Variants in WWC1 observed in about 807,000 individuals in gnomAD.
WWC1 encodes WW and C2 domain containing 1.
In WWC1, 55 loss-of-function variants were observed where a neutral mutation model predicts 138.4. That is an observed-to-expected ratio of 0.40 (90% CI 0.32 to 0.50). The LOEUF (loss-of-function observed/expected upper bound fraction) is 0.50. WWC1 is among the 20% of genes least tolerant of loss of function. The pLI, the probability that WWC1 is intolerant of heterozygous loss-of-function variation, is 0.72. For missense variants in WWC1, 1,226 were observed against 1,420.4 expected (o/e 0.86, Z 2.20); for synonymous variants, 524 against 564.9 (o/e 0.93, Z 1.03).
chr5:168,412,339 A>C (rs1780291751), intron 8 of WWC1, among the ~76,000 whole-genome samples: 1 of 152,196 alleles, frequency 6.6e-6, no homozygotes, highest in South Asian at 2.1e-4. Flanking sequence ...GGTGTCTGTA[A>C]TCCAAGGAGG....
chr5:168,438,791 A>AG (rs1180059264), intron 15 of WWC1, among the ~76,000 whole-genome samples: 1 of 151,582 alleles, frequency 6.6e-6, no homozygotes, highest in Non-Finnish European at 1.5e-5. Flanking sequence ...GGAAGGCTGT[A>AG]GGGGAAAAAA....
intron 1 of WWC1, among the ~76,000 whole-genome samples, chr5:168,339,806 TTTTCTTTCTTTC>T (rs138461958): frequency 1.2e-4 from 17 of 142,618 alleles, no homozygotes; most frequent in Non-Finnish European, 2.4e-4. Flanking sequence ...TTCTTTTTGT[TTTTCTTTCTTTC>T]TTTCTTTCTT....
intron 9 of WWC1, among the ~76,000 whole-genome samples, chr5:168,417,552 C>T (rs1780755192): frequency 6.6e-6 from 1 of 152,132 alleles, no homozygotes; most frequent in Non-Finnish European, 1.5e-5. Context: ...GATTAGAAGA[C>T]CACAAGTTTG....
chr5:168,454,670 AC>A (rs576586554), intron 18 of WWC1, among the ~76,000 whole-genome samples: 124 of 152,318 alleles, frequency 8.1e-4, no homozygotes, highest in African/African-American at 2.9e-3. Flanking sequence ...CAGCTGGAGT[AC>A]CGCACAGAGG....
chr5:168,344,678 C>T (rs975520375), intron 1 of WWC1, among the ~76,000 whole-genome samples: 1 of 152,214 alleles, frequency 6.6e-6, no homozygotes, highest in Non-Finnish European at 1.5e-5. Flanking sequence ...CAAGCCTTAG[C>T]ATTGCGTCTG....
chr5:168,347,682 T>C (rs950053843), intron 1 of WWC1, among the ~76,000 whole-genome samples: 1 of 152,148 alleles, frequency 6.6e-6, no homozygotes, highest in Non-Finnish European at 1.5e-5. Context: ...GAGCAATCTA[T>C]GTGATGATCT....
chr5:168,322,131 G>A (rs1419438761), intron 1 of WWC1, among the ~76,000 whole-genome samples: 4 of 152,168 alleles, frequency 2.6e-5, no homozygotes, highest in African/African-American at 7.2e-5. Context: ...TAGGCAACAT[G>A]ACATGTGATT....
chr5:168,293,528 G>T (rs1395116451), intron 1 of WWC1, among the ~76,000 whole-genome samples: 7 of 152,082 alleles, frequency 4.6e-5, no homozygotes, highest in Non-Finnish European at 5.9e-5. Flanking sequence ...TTCATTCAGC[G>T]CTTCCTGGAT....
At chr5:168,415,501 C>T (rs1156324578) in intron 9 of WWC1, 2 of 152,096 alleles carry the variant, frequency 1.3e-5, no homozygotes, top group African/African-American at 4.8e-5. Context: ...CACATTGCAC[C>T]GAATGCAACA....
chr5:168,315,851 A>T (rs28379263), intron 1 of WWC1, among the ~76,000 whole-genome samples: 2,821 of 152,190 alleles, frequency 0.019, 93 homozygotes, highest in African/African-American at 0.064. Context: ...CGAGCATCAG[A>T]CCCAAGAAGA....
chr5:168,311,627 T>G (rs565026702), intron 1 of WWC1, among the ~76,000 whole-genome samples: 2 of 152,268 alleles, frequency 1.3e-5, no homozygotes, highest in East Asian at 3.9e-4. Flanking sequence ...TCCCAGCACT[T>G]TGGGAGGCCA....
At chr5:168,322,821 A>G (rs1268066740) in intron 1 of WWC1, among the ~76,000 whole-genome samples, 1 of 152,186 alleles carries the variant, frequency 6.6e-6, no homozygotes, top group Non-Finnish European at 1.5e-5. Flanking sequence ...TTCCATCCTT[A>G]AAATCACTTC....
chr5:168,443,044 A>G (rs1754928854), intron 16 of WWC1, among the ~76,000 whole-genome samples: 1 of 150,350 alleles, frequency 6.7e-6, no homozygotes, highest in African/African-American at 2.5e-5. Flanking sequence ...CATATGGGGT[A>G]TTGGACTCCT....
chr5:168,398,158 C>A (rs1041621072), intron 4 of WWC1, among the ~76,000 whole-genome samples: 18 of 151,992 alleles, frequency 1.2e-4, no homozygotes, highest in African/African-American at 4.4e-4. Flanking sequence ...GGCTGGAGTG[C>A]AGTGGCACGA....
intron 3 of WWC1, 74 bp downstream of exon 3, chr5:168,385,488 C>G: frequency 1.4e-6 from 2 of 1,464,644 alleles, no homozygotes; most frequent in Non-Finnish European, 1.9e-6. Flanking sequence ...GCCAATATTG[C>G]TTCTCAAGTC....
At position 168,462,055 on chromosome 5, in the gene WWC1, C is replaced by CA. The variant is rs376257386; in HGVS notation, c.2916+1325dup. Among the ~76,000 whole-genome samples, 596 of 108,984 alleles carry CA rather than the reference C, an allele frequency of 5.5e-3. 2 individuals are homozygous for CA. Among genetic ancestry groups the CA allele is most frequent in the African/African-American group, 0.014 (433 of 31,458 alleles). 71.5% of individuals were successfully genotyped at this position (108,984 alleles called of 152,430 possible). A position where few individuals can be genotyped will look rare whatever the true frequency, so the allele number is the denominator to read the frequency against. On this transcript the variant is annotated intron_variant, in intron 20 of 22. Transcript: ENST00000265293. ...GGGCAACAAGAGTGAAACTACATCT[C>CA]AAAAAAAAAAAAGAAAGAAAGAAAA...
chr5:168,430,841 A>G (rs1019610197), intron 14 of WWC1, among the ~76,000 whole-genome samples: 1 of 152,188 alleles, frequency 6.6e-6, no homozygotes, highest in African/African-American at 2.4e-5. Flanking sequence ...TCTGTGGTCT[A>G]CACTCAGCCA....
At chr5:168,373,789 G>A (rs1315389034) in intron 2 of WWC1, among the ~76,000 whole-genome samples, 1 of 141,902 alleles carries the variant, frequency 7.0e-6, no homozygotes, top group Admixed American at 7.1e-5. Flanking sequence ...GCTCACGCCT[G>A]TAATCCCAGC....
chr5:168,432,449 C>T (rs1236358147), intron 15 of WWC1, among the ~76,000 whole-genome samples: 1 of 152,206 alleles, frequency 6.6e-6, no homozygotes, highest in Non-Finnish European at 1.5e-5. Context: ...AGATACTCAG[C>T]TTTCCCATCT....
Sources: gnomAD v4.1 joint callset for allele counts (sites outside exome capture counted in the v4.1 genomes callset) on GRCh38, gnomAD v4.1.1 for gene constraint, MANE v1.5 for transcripts, NCBI Gene and HGNC (gene_info 2026-07-23, HGNC 2026-07-21) for gene names.